The following CLCN3 variants were observed in gnomAD, a reference collection of about 807,000 sequenced individuals.
The protein encoded by CLCN3 is H(+)/Cl(-) exchange transporter 3.
A neutral mutation model predicts 83.4 loss-of-function variants in CLCN3; 16 were observed. The observed-to-expected ratio is 0.19, with a 90% confidence interval of 0.13 to 0.29. The LOEUF is 0.29. CLCN3 is among the 10% of genes least tolerant of loss of function. The pLI is 1.00. For synonymous variants in CLCN3, 322 were observed against 346.2 expected, an observed-to-expected ratio of 0.93 and a Z score of 0.78; for missense variants, 544 against 1,006.0, an observed-to-expected ratio of 0.54 and a Z score of 6.21.
intron 2 of CLCN3, among the ~76,000 whole-genome samples, chr4:169,646,723 G>A (rs1262236323): frequency 6.6e-6 from 1 of 152,142 alleles, no homozygotes; most frequent in Non-Finnish European, 1.5e-5. Context: ...TATTGCATAA[G>A]GGCCCACCAA....
At chr4:169,693,825 C>T (rs182514829) in intron 7 of CLCN3, among the ~76,000 whole-genome samples, 30 of 152,212 alleles carry the variant, frequency 2.0e-4, no homozygotes, top group African/African-American at 7.0e-4. Context: ...AATGTTCATA[C>T]TGTAGTGATT....
intron 7 of CLCN3, among the ~76,000 whole-genome samples, chr4:169,694,852 G>A (rs1732505600): frequency 6.6e-6 from 1 of 151,910 alleles, no homozygotes; most frequent in Admixed American, 6.6e-5. Flanking sequence ...AAAAAATAAA[G>A]GAATACAGAC....
intron 2 of CLCN3, among the ~76,000 whole-genome samples, chr4:169,653,019 A>G (rs1270851889): frequency 1.3e-5 from 2 of 152,164 alleles, no homozygotes; most frequent in Non-Finnish European, 2.9e-5. Flanking sequence ...GCTATCTTCT[A>G]TGGAGTGCAT....
At chr4:169,641,937 A>G (rs540028573) in intron 2 of CLCN3, among the ~76,000 whole-genome samples, 5 of 152,336 alleles carry the variant, frequency 3.3e-5, no homozygotes, top group East Asian at 1.9e-4. Context: ...CATTCCAAAA[A>G]AGGATATAAA....
In CLCN3 at chr4:169,626,195, G is replaced by A. The variant is rs143903556; in HGVS notation, c.-17+5132G>A. Among the ~76,000 whole-genome samples the A allele has an allele frequency of 7.0e-3, 1,062 of 152,294 alleles. 13 individuals carry two copies. Among genetic ancestry groups the A allele is most frequent in the African/African-American group, 0.024 (981 of 41,564 alleles). On this transcript the variant is annotated intron_variant, in intron 1 of 12. Transcript: ENST00000513761. ...CACAGAACTCAGAGAAACACTTACC[G>A]GTTTATTATAAAGGATGTTCAAAGG...
chr4:169,702,111 A>G (rs1016521299), intron 9 of CLCN3, among the ~76,000 whole-genome samples: 11 of 152,240 alleles, frequency 7.2e-5, no homozygotes, highest in South Asian at 6.2e-4. Flanking sequence ...AGGTGTTTCT[A>G]TCTATTGGAA....
At chr4:169,627,270 G>A (rs911702938) in intron 1 of CLCN3, among the ~76,000 whole-genome samples, 2 of 151,998 alleles carry the variant, frequency 1.3e-5, no homozygotes, top group South Asian at 4.1e-4. Flanking sequence ...TACTTTTTTT[G>A]TGTGTGTGCC....
At chr4:169,685,580 A>G (rs560798539) in intron 3 of CLCN3, among the ~76,000 whole-genome samples, 3 of 152,236 alleles carry the variant, frequency 2.0e-5, no homozygotes, top group South Asian at 2.1e-4. Context: ...GTATACTGCA[A>G]TTTATTTATC....
intron 9 of CLCN3, among the ~76,000 whole-genome samples, chr4:169,701,283 G>C (rs1205098407): frequency 1.3e-5 from 2 of 152,148 alleles, no homozygotes; most frequent in Admixed American, 6.5e-5. Flanking sequence ...TTTTTTAAAT[G>C]AGATTCTAGC....
chr4:169,674,362 A>G (rs1731594762), intron 2 of CLCN3, among the ~76,000 whole-genome samples: 1 of 152,188 alleles, frequency 6.6e-6, no homozygotes, highest in Admixed American at 6.5e-5. Context: ...TGGCATTTGC[A>G]TTTTCTAAAT....
intron 2 of CLCN3, among the ~76,000 whole-genome samples, chr4:169,643,565 T>C (rs1730484369): frequency 6.6e-6 from 1 of 151,736 alleles, no homozygotes; most frequent in Non-Finnish European, 1.5e-5. Flanking sequence ...CAGGGTCTCA[T>C]TCTGTCATCC....
intron 2 of CLCN3, among the ~76,000 whole-genome samples, chr4:169,673,868 G>A (rs919629365): frequency 6.6e-6 from 1 of 152,032 alleles, no homozygotes; most frequent in African/African-American, 2.4e-5. Context: ...GGGCATGTAT[G>A]CACTATATAT....
Position 169,684,555 on chromosome 4 carries a change from C to T in CLCN3, c.319-3103C>T, listed in dbSNP as rs190186293. ...GTCCTTAGATAATCCTAATCCTAAT[C>T]CTGATTCATCGTAGACATTTCCCGC... On this transcript the variant is annotated intron_variant, in intron 3 of 12. Coordinates refer to ENST00000513761, the MANE Select transcript of CLCN3 (RefSeq NM_001829.4). Among the ~76,000 whole-genome samples, 320 of 152,240 alleles carry T rather than the reference C, an allele frequency of 2.1e-3. 2 individuals are homozygous for T. The highest frequency in any genetic ancestry group is 3.8e-3 in the Non-Finnish European group (260 of 68,010).
intron 9 of CLCN3, chr4:169,702,777 C>CA (rs60812626): frequency 0.064 from 15,660 of 244,360 alleles, 553 homozygotes; most frequent in African/African-American, 0.11. Flanking sequence ...CCCATCTCTA[C>CA]AAAAAAAAAA....
At chr4:169,647,233 T>C (rs965086848) in intron 2 of CLCN3, among the ~76,000 whole-genome samples, 8 of 151,844 alleles carry the variant, frequency 5.3e-5, no homozygotes, top group Admixed American at 5.3e-4. Flanking sequence ...CTACAAAAAA[T>C]AGAAAAATTA....
At chr4:169,689,473 T>C (rs147242889) in intron 5 of CLCN3, among the ~76,000 whole-genome samples, 3,699 of 152,286 alleles carry the variant, frequency 0.024, 80 homozygotes, top group Middle Eastern at 0.031. Context: ...TGAGCTGTAG[T>C]AGAAAAGAAG....
At chr4:169,650,411 A>G (rs1031946721) in intron 2 of CLCN3, among the ~76,000 whole-genome samples, 1 of 152,188 alleles carries the variant, frequency 6.6e-6, no homozygotes, top group Non-Finnish European at 1.5e-5. Context: ...TCAGTAGATG[A>G]CAAGTTGATT....
At chr4:169,632,002 G>T (rs545909885) in intron 1 of CLCN3, among the ~76,000 whole-genome samples, 2 of 152,194 alleles carry the variant, frequency 1.3e-5, no homozygotes, top group East Asian at 3.9e-4. Flanking sequence ...AAAGAAAGCT[G>T]GTACCAATTC....
chr4:169,692,038 C>A (rs1001165034), intron 6 of CLCN3, 76 bp from the exon 7 acceptor site: 2 of 1,005,566 alleles, frequency 2.0e-6, no homozygotes, highest in African/African-American at 1.6e-5. Flanking sequence ...GTGCATAAAA[C>A]AAGAAAATAA....
Sources: gnomAD v4.1 joint callset for allele counts (sites outside exome capture counted in the v4.1 genomes callset) on GRCh38, gnomAD v4.1.1 for gene constraint, MANE v1.5 for transcripts, NCBI Gene and HGNC (gene_info 2026-07-23, HGNC 2026-07-21) for gene names.